CHODL: variants seen among roughly 807,000 people sequenced by gnomAD.
CHODL encodes the protein chondrolectin.
In CHODL, 29 loss-of-function variants were observed where a neutral mutation model predicts 34.5. The observed-to-expected ratio is 0.84, with a 90% CI of 0.63 to 1.15. The LOEUF (loss-of-function observed/expected upper bound fraction) is 1.15, where lower values mean the gene tolerates loss of function less well. CHODL is among the 50% of genes most tolerant of loss of function. The probability of loss-of-function intolerance (pLI) is 0.00; values close to 1 mark genes in which losing one functional copy is unlikely to be tolerated. For synonymous variants in CHODL, 125 were observed against 116.1 expected (o/e 1.08, Z -0.49); for missense variants, 332 against 332.5 (o/e 1.00, Z 0.01).
chr21:18,126,696 ATTAG>A (rs1158337113), intron 2 of CHODL, among the ~76,000 whole-genome samples: 2 of 152,150 alleles, frequency 1.3e-5, no homozygotes, highest in East Asian at 3.9e-4. Flanking sequence ...GAAAACTCCA[ATTAG>A]TTATCTCTTA....
At chr21:18,209,945 A>G (rs1447114880) in intron 2 of CHODL, among the ~76,000 whole-genome samples, 1 of 152,114 alleles carries the variant, frequency 6.6e-6, no homozygotes, top group African/African-American at 2.4e-5. Flanking sequence ...CAAGTGGAAG[A>G]TAGAATTTTC....
At chr21:17,964,706 T>C (rs1232801782) in intron 1 of CHODL, among the ~76,000 whole-genome samples, 2 of 152,218 alleles carry the variant, frequency 1.3e-5, no homozygotes, top group African/African-American at 4.8e-5. Context: ...ATTGCCAAAT[T>C]CTCACTTTAC....
At chr21:18,229,379 G>T (rs569977783) in intron 2 of CHODL, among the ~76,000 whole-genome samples, 4 of 152,202 alleles carry the variant, frequency 2.6e-5, no homozygotes, top group African/African-American at 9.6e-5. Flanking sequence ...TCTTCTCCAG[G>T]CCCTGAGTGC....
At chr21:18,104,793 GT>G (rs964844367) in intron 2 of CHODL, among the ~76,000 whole-genome samples, 1 of 152,172 alleles carries the variant, frequency 6.6e-6, no homozygotes, top group African/African-American at 2.4e-5. Context: ...TTTAAATTCT[GT>G]TTTGTGTGTC....
At chr21:18,010,258 C>G (rs2064004292) in intron 1 of CHODL, among the ~76,000 whole-genome samples, 2 of 116,980 alleles carry the variant, frequency 1.7e-5, no homozygotes, top group African/African-American at 6.6e-5. Context: ...GATCGCGCCA[C>G]TGGACTCCAG....
intron 5 of CHODL, among the ~76,000 whole-genome samples, chr21:18,265,705 AAAATGAACTCT>A (rs2074450721): frequency 6.6e-6 from 1 of 152,204 alleles, no homozygotes; most frequent in South Asian, 2.1e-4. Flanking sequence ...AGCAACAACA[AAAATGAACTCT>A]AAATTAGGAA....
chr21:18,236,682 A>G lies in CHODL; in HGVS notation c.-44-19827A>G, dbSNP rs191183444. Among the ~76,000 whole-genome samples the G allele has an allele frequency of 2.8e-3, 432 of 152,260 alleles. 2 individuals are homozygous for G. The highest frequency in any genetic ancestry group is 0.01 in the African/African-American group (416 of 41,558). On this transcript the variant is annotated intron_variant, in intron 2 of 6. Transcript: ENST00000400127. ...AGTTTCATAATTCAAAAAATTTTGC[A>G]AAATTTGATTAAAAATCTGTAAAAT...
chr21:18,063,688 G>C (rs997185282), intron 2 of CHODL, among the ~76,000 whole-genome samples: 5 of 152,142 alleles, frequency 3.3e-5, no homozygotes, highest in African/African-American at 1.2e-4. Context: ...TTTACAATTT[G>C]TAAACATTCA....
chr21:17,940,317 A>G lies in CHODL; in HGVS notation c.-145+22917A>G, dbSNP rs147621183. Among the ~76,000 whole-genome samples the G allele has an allele frequency of 7.6e-3, 1,154 of 152,356 alleles. 19 individuals are homozygous for G. Among genetic ancestry groups the G allele is most frequent in the African/African-American group, 0.026 (1,073 of 41,594 alleles). On this transcript the variant is annotated intron_variant, in intron 1 of 6. Coordinates refer to the CHODL transcript ENST00000400127. ...GGAAACAATCCCATTTTCATCACCA[A>G]TGAAGAAACAAATGAATTGAGCTAT...
chr21:18,234,399 C>A (rs1292805024), intron 2 of CHODL, among the ~76,000 whole-genome samples: 2 of 151,960 alleles, frequency 1.3e-5, no homozygotes, highest in African/African-American at 4.8e-5. Context: ...GCACAGCTGG[C>A]GTTTAAGCCA....
In CHODL at chr21:18,141,149, A is replaced by C. The variant is rs2072796857; in HGVS notation, c.-45+113178A>C. Among the ~76,000 whole-genome samples the C allele has an allele frequency of 2.0e-5, 3 of 152,094 alleles. No individual in the cohort carries two copies. In the South Asian group the frequency reaches 6.2e-4, roughly 32 times the overall value. ...AAAGTGAAGAAAAGAAAAGTAATGG[A>C]GATAAACCCAGAAAGGTGGACTTGG... On this transcript the variant is annotated intron_variant, in intron 2 of 6. Transcript: ENST00000400127.
chr21:18,082,286 T>C (rs2064952017), intron 2 of CHODL, among the ~76,000 whole-genome samples: 1 of 152,160 alleles, frequency 6.6e-6, no homozygotes, highest in South Asian at 2.1e-4. Flanking sequence ...TCCTGAGGCT[T>C]CCCAGTCATG....
At chr21:18,190,697 G>A (rs2073500546) in intron 2 of CHODL, among the ~76,000 whole-genome samples, 1 of 152,116 alleles carries the variant, frequency 6.6e-6, no homozygotes. Flanking sequence ...TCTCTGCAGT[G>A]GTTTGATATG....
intron 1 of CHODL, among the ~76,000 whole-genome samples, chr21:18,248,707 ATAATAT>A (rs1261711378): frequency 2.3e-4 from 27 of 118,872 alleles, no homozygotes; most frequent in African/African-American, 8.5e-4. Flanking sequence ...ATATATGTAT[ATAATAT>A]ATACATATAT....
chr21:18,067,141 C>T (rs368861591), intron 2 of CHODL, among the ~76,000 whole-genome samples: 1 of 152,070 alleles, frequency 6.6e-6, no homozygotes, highest in Non-Finnish European at 1.5e-5. Flanking sequence ...CACATTTTCA[C>T]AACACTTTTA....
intron 2 of CHODL, among the ~76,000 whole-genome samples, chr21:18,137,678 C>A (rs1405914067): frequency 6.6e-6 from 1 of 152,106 alleles, no homozygotes; most frequent in African/African-American, 2.4e-5. Flanking sequence ...GCAGATGCTG[C>A]CTTTGCCTGG....
intron 2 of CHODL, among the ~76,000 whole-genome samples, chr21:18,147,508 G>A (rs1214669166): frequency 6.6e-6 from 1 of 152,222 alleles, no homozygotes; most frequent in Non-Finnish European, 1.5e-5. Context: ...CTTTTCATGT[G>A]TGGCTTATAG....
intron 1 of CHODL, among the ~76,000 whole-genome samples, chr21:17,961,587 C>A (rs757332843): frequency 2.0e-5 from 3 of 152,216 alleles, no homozygotes; most frequent in Non-Finnish European, 4.4e-5. Context: ...CTGATGCTTA[C>A]TTGCTTCTGA....
intron 2 of CHODL, among the ~76,000 whole-genome samples, chr21:18,220,154 C>T (rs1195614950): frequency 2.0e-5 from 3 of 152,186 alleles, no homozygotes; most frequent in Admixed American, 6.5e-5. Context: ...CTCTTGCATG[C>T]TTTTGGTTTC....
Sources: gnomAD v4.1 joint callset for allele counts (sites outside exome capture counted in the v4.1 genomes callset) on GRCh38, gnomAD v4.1.1 for gene constraint, MANE v1.5 for transcripts, NCBI Gene and HGNC (gene_info 2026-07-23, HGNC 2026-07-21) for gene names.